RTEL1: variants seen among roughly 807,000 people sequenced by gnomAD.
RTEL1 encodes the protein regulator of telomere length.
In RTEL1, 86 loss-of-function variants were observed where a neutral mutation model predicts 162.2. That is an observed-to-expected ratio of 0.53 (90% CI 0.45 to 0.63). The LOEUF (loss-of-function observed/expected upper bound fraction) is 0.63, where lower values mean the gene tolerates loss of function less well. Ranked by LOEUF, RTEL1 falls within the 30% of genes least tolerant of loss-of-function variation. The probability of loss-of-function intolerance (pLI) is 0.00; values close to 1 mark genes in which losing one functional copy is unlikely to be tolerated. For synonymous variants in RTEL1, 958 were observed against 717.9 expected, an observed-to-expected ratio of 1.33 and a Z score of -5.35; for missense variants, 1,941 against 1,750.2, an observed-to-expected ratio of 1.11 and a Z score of -1.95.
In RTEL1 at chr20:63,695,929, A is replaced by AACCC; in HGVS notation, c.*77_*80dup. 4 of 1,446,172 alleles carry AACCC rather than the reference A, an allele frequency of 2.8e-6. No individual in the cohort carries two copies. The South Asian group carries it at 5.0e-5, about 18-fold the overall frequency. 89.6% of individuals were successfully genotyped at this position (1,446,172 alleles called of 1,614,324 possible). ...GCCTGTCCAGCTCTGGTGGGCCAAGAACCCACCCAACAGAATAGGCCAGCC... is the reference window on the plus strand; with the variant it reads ...GCCTGTCCAGCTCTGGTGGGCCAAGAACCCACCCACCCAACAGAATAGGCCAGCC... On this transcript the variant is annotated 3_prime_UTR_variant, in exon 35 of 35. Coordinates refer to ENST00000360203, the MANE Select transcript of RTEL1 (RefSeq NM_001283009.2).
chr20:63,691,093 C>T, intron 27 of RTEL1, 146 bp downstream of exon 27: 2 of 909,078 alleles, frequency 2.2e-6, no homozygotes, highest in Non-Finnish European at 3.2e-6. Flanking sequence ...CGGGGGATCC[C>T]AGCTGCCTGG....
intron 26 of RTEL1, 54 bp downstream of exon 26, chr20:63,690,495 T>TGGGGGGGGGGG: frequency 3.7e-5 from 22 of 594,874 alleles, no homozygotes; most frequent in Middle Eastern, 4.4e-4. Context: ...GCGGGCGGCG[T>TGGGGGGGGGGG]GGGGCGGGCA....
rs1555814785 is a variant in RTEL1, at chr20:63,695,663, C to T, written c.3822+13C>T. ...ACGGCACCTTCAGGTTGGTGCCTGGCCACTACAGTTCCTGCTGGGTGTAGC... is the reference window on the plus strand; with the variant it reads ...ACGGCACCTTCAGGTTGGTGCCTGGTCACTACAGTTCCTGCTGGGTGTAGC... On this transcript the variant is annotated intron_variant, in intron 34 of 34. Transcript: ENST00000360203. 1 of 1,610,910 alleles carries T rather than the reference C, an allele frequency of 6.2e-7. No homozygotes were observed. Among genetic ancestry groups the T allele is most frequent in the Non-Finnish European group, 8.5e-7 (1 of 1,179,642 alleles).
At chr20:63,662,405 A>G in intron 4 of RTEL1, 141 bp from the exon 5 acceptor site, 1 of 1,534,742 alleles carries the variant, frequency 6.5e-7, no homozygotes, top group Non-Finnish European at 8.8e-7. Flanking sequence ...GCTCCCTCCT[A>G]CGCCCGGGCC....
chr20:63,664,115 C>T (rs2090075223), intron 6 of RTEL1, among the ~76,000 whole-genome samples: 2 of 152,198 alleles, frequency 1.3e-5, no homozygotes, highest in African/African-American at 4.8e-5. Context: ...TTTGTTGGTC[C>T]TAAGAAGGGG....
chr20:63,694,832 C>A lies in RTEL1; in HGVS notation c.3201C>A (p.Ala1067=). The change falls in exon 32 of 35, where the codon GCC becomes GCA. Residue 1067 remains alanine (A), a synonymous_variant. Transcript: ENST00000360203. ...QHAVSAYLAD[A]RRALGSAGCS... is the part of the protein sequence containing the mutation. ...CCGTGAGCGCCTACCTGGCTGATGC[C>A]CGCAGGGCCCTGGGGTCCGCGGGCT... The A allele has an allele frequency of 1.2e-6, 2 of 1,612,580 alleles. No homozygotes were observed. The highest frequency in any genetic ancestry group is 8.5e-7 in the Non-Finnish European group (1 of 1,179,846).
rs1462218633 is a variant in RTEL1 at position 63,695,480 on chromosome 20, G to T, written c.3652G>T (p.Gly1218Cys). 3 of 1,607,402 alleles carry T rather than the reference G, an allele frequency of 1.9e-6. No individual in the cohort carries two copies. The highest frequency in any genetic ancestry group is 1.7e-5 in the Admixed American group (1 of 59,614). Residue 1218 changes from glycine (G) to cysteine (C), a missense_variant, in exon 34 of 35, where the codon GGT (glycine) becomes TGT (cysteine). Physicochemically the swap from Gly to Cys is radical, Grantham distance 159. Coordinates refer to ENST00000360203, the MANE Select transcript of RTEL1 (RefSeq NM_001283009.2). ...PPHGPAASEWGEPHGRDIAGQ... is the reference protein window; with the variant it reads ...PPHGPAASEWCEPHGRDIAGQ... ...CCACGGGCCTGCAGCATCTGAGTGG[G>T]GTGAGCCTCATGGGAGAGACATCGC...
intron 9 of RTEL1, among the ~76,000 whole-genome samples, chr20:63,673,413 G>T (rs891915971): frequency 6.6e-6 from 1 of 152,016 alleles, no homozygotes; most frequent in Non-Finnish European, 1.5e-5. Flanking sequence ...AAATCAAAAA[G>T]AATAATTGGC....
At position 63,663,908 on chromosome 20, in the gene RTEL1, C is replaced by A. The variant is rs576321010; in HGVS notation, c.538+1019C>A. On this transcript the variant is annotated intron_variant, in intron 6 of 34. Coordinates refer to ENST00000360203, the MANE Select transcript of RTEL1 (RefSeq NM_001283009.2). ...GAGCCAGGTGGTCCCGCATGACCCA[C>A]TACCAGGCGTTTCTGGGCCCTGGCC... Among the ~76,000 whole-genome samples, 98 of 152,354 alleles carry A rather than the reference C, an allele frequency of 6.4e-4. No homozygotes were observed. The Middle Eastern group carries it at 0.014, about 21-fold the overall frequency.
rs545739950 is a variant in RTEL1, at chr20:63,662,062, C to T, written c.395+119C>T. Reference sequence around the variant, plus strand: ...AGGGTGGTGGTCTTTCTAGACGCTCCCCCGAAGTGTGCAGAGCGCTGGTGC... The same window carrying T: ...AGGGTGGTGGTCTTTCTAGACGCTCTCCCGAAGTGTGCAGAGCGCTGGTGC... On this transcript the variant is annotated intron_variant, in intron 4 of 34. Coordinates refer to ENST00000360203, the MANE Select transcript of RTEL1 (RefSeq NM_001283009.2). The T allele has an allele frequency of 3.0e-5, 25 of 833,972 alleles. No homozygotes were observed. The East Asian group carries it at 3.7e-4, about 12-fold the overall frequency. 51.7% of individuals were successfully genotyped at this position (833,972 alleles called of 1,614,324 possible).
Position 63,661,424 on chromosome 20 carries a change from C to A in RTEL1, c.229C>A (p.Gln77Lys). The A allele has an allele frequency of 1.9e-6, 3 of 1,613,938 alleles. No individual in the cohort carries two copies. The highest frequency in any genetic ancestry group is 2.5e-6 in the Non-Finnish European group (3 of 1,180,036). The change falls in exon 3 of 35, where the codon CAA becomes AAA. Residue 77 changes from glutamine to lysine, a missense_variant. Physicochemically the swap from Gln to Lys is moderately conservative, Grantham distance 53. Coordinates refer to ENST00000360203, the MANE Select transcript of RTEL1 (RefSeq NM_001283009.2). The surrounding 1 kb of genome is among the most constrained non-coding windows in gnomAD (Gnocchi z 5.1). ...TGCCCGCAAGATTGCCGAGAGGGCG[C>A]AAGGAGAGCTTTTCCCGGATCGGGC... is the stretch of plus-strand genomic sequence containing the variant. ...ISARKIAERA[Q>K]GELFPDRALS...
At chr20:63,696,251 G>A (rs1018496570), downstream of RTEL1, 2 of 288,102 alleles carry the variant, frequency 6.9e-6, no homozygotes, top group Non-Finnish European at 1.3e-5. Context: ...GCCCAGGACG[G>A]TGTCTTCGTG....
chr20:63,688,314 C>T lies in RTEL1; in HGVS notation c.1650C>T (p.Arg550=), dbSNP rs147825631. The change falls in exon 20 of 35, where the codon CGC becomes CGT. Residue 550 remains arginine, a synonymous_variant. Transcript: ENST00000360203. ...CTGCACTTCCAGGCAACATCGCCCGCGTGGTGCCCTATGGGCTCCTGATCT... is the reference window on the plus strand; with the variant it reads ...CTGCACTTCCAGGCAACATCGCCCGTGTGGTGCCCTATGGGCTCCTGATCT... ...SLGKALGNIA[R]VVPYGLLIFF... is the part of the protein sequence containing the mutation. 33 of 1,612,350 alleles carry T rather than the reference C, an allele frequency of 2.0e-5. No individual in the cohort carries two copies. The highest frequency in any genetic ancestry group is 2.7e-5 in the African/African-American group (2 of 74,940).
chr20:63,672,892 G>A (rs1243533375), intron 9 of RTEL1, among the ~76,000 whole-genome samples: 1 of 152,242 alleles, frequency 6.6e-6, no homozygotes, highest in African/African-American at 2.4e-5. Flanking sequence ...CCTCCAGCCA[G>A]CTCGGGGTCA....
At chr20:63,686,521 C>T (rs2090596699) in intron 16 of RTEL1, 1 of 152,800 alleles carries the variant, frequency 6.5e-6, no homozygotes, top group Non-Finnish European at 1.5e-5. Flanking sequence ...CTGCCCCTGC[C>T]TTGTGCTCCA....
rs2090297134 is a variant in RTEL1 at position 63,674,014 on chromosome 20, C to A, written c.840C>A (p.Asp280Glu). 6.2e-7 allele frequency: 1 copy of A among 1,614,032 alleles called. No individual in the cohort carries two copies. Among genetic ancestry groups the A allele is most frequent in the Admixed American group, 1.7e-5 (1 of 60,006 alleles). Residue 280 changes from aspartate (D) to glutamate (E), a missense_variant, in exon 10 of 35, where the codon GAC (aspartate) becomes GAA (glutamate). Transcript: ENST00000360203. The part of the protein sequence containing the change: ...HDLASGLDVI[D>E]QVLEEQTKAA... Reference sequence around the variant, plus strand: ...TGGCTTCAGGACTGGACGTCATAGACCAGGTGCTGGAGGAGCAGACCAAGG... The same window carrying A: ...TGGCTTCAGGACTGGACGTCATAGAACAGGTGCTGGAGGAGCAGACCAAGG...
At chr20:63,676,892 A>G (rs6062487) in intron 10 of RTEL1, among the ~76,000 whole-genome samples, 31 of 137,700 alleles carry the variant, frequency 2.3e-4, no homozygotes, top group East Asian at 1.4e-3. Context: ...CCGAGATCGC[A>G]CCATTGCACT....
intron 6 of RTEL1, among the ~76,000 whole-genome samples, chr20:63,663,567 G>A (rs1361368373): frequency 1.3e-5 from 2 of 152,194 alleles, no homozygotes; most frequent in Non-Finnish European, 2.9e-5. Flanking sequence ...TATGTCAAGG[G>A]CTTCTGGGGC....
intron 30 of RTEL1, among the ~76,000 whole-genome samples, chr20:63,693,633 ACCACCACCACCTCCACCT>A (rs2090871649): frequency 2.0e-5 from 1 of 49,270 alleles, no homozygotes; most frequent in Non-Finnish European, 4.3e-5. Context: ...CACCACCTCC[ACCACCACCACCTCCACCT>A]CCACCACCAC....
Sources: allele counts gnomAD v4.1 joint callset (sites outside exome capture counted in the v4.1 genomes callset), GRCh38; gene constraint gnomAD v4.1.1; non-coding constraint Gnocchi (gnomAD v3.1); transcripts MANE v1.5; gene names NCBI Gene and HGNC (gene_info 2026-07-23, HGNC 2026-07-21).